Variants in FGF14 observed in about 807,000 individuals in gnomAD.
The protein encoded by FGF14 is fibroblast growth factor homologous factor 4.
Under a neutral mutation model 25.5 loss-of-function variants are expected in FGF14, and 5 were observed. The observed-to-expected ratio is 0.20, with a 90% CI of 0.10 to 0.41. The LOEUF is 0.41. Ranked by LOEUF, FGF14 falls within the 10% of genes least tolerant of loss-of-function variation. The pLI, the probability that FGF14 is intolerant of heterozygous loss-of-function variation, is 1.00. For missense variants in FGF14, 222 were observed against 320.1 expected (o/e 0.69, Z 2.34); for synonymous variants, 138 against 118.3 (o/e 1.17, Z -1.08).
chr13:102,190,143 C>T (rs961325598), intron 1 of FGF14, among the ~76,000 whole-genome samples: 1 of 152,100 alleles, frequency 6.6e-6, no homozygotes, highest in Non-Finnish European at 1.5e-5. Context: ...AAACAAAAAA[C>T]AGAAAAAAAG....
At chr13:102,067,755 T>TA (rs1471832761) in intron 1 of FGF14, among the ~76,000 whole-genome samples, 1 of 151,718 alleles carries the variant, frequency 6.6e-6, no homozygotes, top group East Asian at 1.9e-4. Flanking sequence ...AAAGGATAGT[T>TA]ACAGAGAACA....
chr13:102,387,014 C>T (rs1471511544), intron 1 of FGF14, among the ~76,000 whole-genome samples: 1 of 152,184 alleles, frequency 6.6e-6, no homozygotes, highest in Non-Finnish European at 1.5e-5. Flanking sequence ...AAAATGGACC[C>T]TTCCCCTTCT....
At position 102,105,611 on chromosome 13, in the gene FGF14, A is replaced by G. The variant is rs994959478; in HGVS notation, c.209-230315T>C. Among the ~76,000 whole-genome samples, 14 of 152,332 alleles carry G rather than the reference A, an allele frequency of 9.2e-5. No individual in the cohort carries two copies. The East Asian group carries it at 2.7e-3, about 29-fold the overall frequency. ...TAGATTTCTAAAAGCGTGAAATATT[A>G]CAATGTTAAATATAGCTAAGTGGGA... On this transcript the variant is annotated intron_variant, in intron 1 of 4. Coordinates refer to the FGF14 transcript ENST00000376131.
chr13:102,075,250 A>G (rs1042196911), intron 1 of FGF14, among the ~76,000 whole-genome samples: 8 of 152,238 alleles, frequency 5.3e-5, no homozygotes, highest in African/African-American at 1.7e-4. Flanking sequence ...ACATTCAAAA[A>G]TCAGTAGAAT....
At chr13:102,042,166 C>T (rs187860866) in intron 1 of FGF14, among the ~76,000 whole-genome samples, 12 of 152,248 alleles carry the variant, frequency 7.9e-5, no homozygotes, top group African/African-American at 2.6e-4. Context: ...ATAGGAACTC[C>T]TATGTGGCAT....
At chr13:102,112,832 AAT>A (rs1166848640) in intron 1 of FGF14, among the ~76,000 whole-genome samples, 2 of 152,190 alleles carry the variant, frequency 1.3e-5, no homozygotes, top group Non-Finnish European at 2.9e-5. Flanking sequence ...TACAGATGAG[AAT>A]ATAGTTTCAT....
rs148395846 is a variant in FGF14 at position 101,984,697 on chromosome 13, G to A, written c.209-109401C>T. ...CTAGGTAGGAGTAGCCTATTTAGGA[G>A]GCAGGTAGGATCTGCATTCCCCAAA... On this transcript the variant is annotated intron_variant, in intron 1 of 4. Transcript: ENST00000376131. 3.3e-3 allele frequency among the ~76,000 whole-genome samples: 500 copies of A among 152,166 alleles called. 8 individuals are homozygous for A. The highest frequency in any genetic ancestry group is 0.027 in the Admixed American group (409 of 15,276).
intron 3 of FGF14, among the ~76,000 whole-genome samples, chr13:101,820,427 A>C (rs923488102): frequency 2.6e-5 from 4 of 152,160 alleles, no homozygotes; most frequent in Admixed American, 2.0e-4. Flanking sequence ...AATCAGACTA[A>C]AATGAACATA....
upstream of FGF14, chr13:102,401,816 C>G (rs906646549): frequency 2.6e-6 from 2 of 764,542 alleles, no homozygotes; most frequent in Non-Finnish European, 4.4e-6. Flanking sequence ...CGGATTATTA[C>G]CAAAGGGTTG....
intron 1 of FGF14, among the ~76,000 whole-genome samples, chr13:102,146,334 A>G (rs1334311543): frequency 1.3e-5 from 2 of 152,200 alleles, no homozygotes; most frequent in Non-Finnish European, 2.9e-5. Context: ...ATGAGCAACA[A>G]AGTCACATTC....
intron 1 of FGF14, among the ~76,000 whole-genome samples, chr13:102,175,862 A>G (rs1005543486): frequency 2.0e-5 from 3 of 152,162 alleles, no homozygotes; most frequent in South Asian, 4.1e-4. Flanking sequence ...TAAAACCACA[A>G]TGAGATACCA....
At chr13:101,772,172 AAAG>A (rs1262938034) in intron 3 of FGF14, among the ~76,000 whole-genome samples, 2 of 152,076 alleles carry the variant, frequency 1.3e-5, no homozygotes, top group African/African-American at 2.4e-5. Context: ...CAATATTAAA[AAAG>A]AAGAACCCAC....
chr13:102,368,290 T>C (rs1307164519), intron 1 of FGF14, among the ~76,000 whole-genome samples: 2 of 152,128 alleles, frequency 1.3e-5, no homozygotes, highest in South Asian at 2.1e-4. Flanking sequence ...ATGATAGGGG[T>C]TTTAATATGT....
chr13:101,945,889 A>G (rs2035774155), intron 1 of FGF14, among the ~76,000 whole-genome samples: 3 of 152,122 alleles, frequency 2.0e-5, no homozygotes, highest in Admixed American at 2.0e-4. Context: ...CCTTTAATTG[A>G]CCTCAAGTCT....
intron 1 of FGF14, among the ~76,000 whole-genome samples, chr13:102,378,908 C>T (rs1371600186): frequency 1.3e-5 from 2 of 152,022 alleles, no homozygotes; most frequent in African/African-American, 2.4e-5. Context: ...CACAGGGTTA[C>T]ATAAAACTGG....
chr13:101,868,243 C>A (rs538742953), intron 3 of FGF14: 133 of 180,478 alleles, frequency 7.4e-4, no homozygotes, highest in Non-Finnish European at 1.2e-3. Flanking sequence ...TGCTCAGCTT[C>A]CAATAAATAT....
At position 101,858,770 on chromosome 13, in the gene FGF14, G is replaced by C. The variant is rs540041983; in HGVS notation, c.408+9955C>G. Among the ~76,000 whole-genome samples, 25 of 152,100 alleles carry C rather than the reference G, an allele frequency of 1.6e-4. No individual in the cohort carries two copies. The East Asian group carries it at 4.8e-3, about 29-fold the overall frequency. On this transcript the variant is annotated intron_variant, in intron 3 of 4. Transcript: ENST00000376143. ...CGCTGAAAGAAAATATAAAACCAAA[G>C]TATTTTGTGTCATTTTATGAACATG...
chr13:102,098,279 G>T (rs2044500302), intron 1 of FGF14, among the ~76,000 whole-genome samples: 1 of 152,156 alleles, frequency 6.6e-6, no homozygotes, highest in Non-Finnish European at 1.5e-5. Context: ...TCCATTTCTA[G>T]AAAGTCGTGT....
intron 3 of FGF14, among the ~76,000 whole-genome samples, chr13:101,868,154 A>G (rs1027864078): frequency 1.3e-5 from 2 of 152,186 alleles, no homozygotes; most frequent in Non-Finnish European, 2.9e-5. Flanking sequence ...ACTACATTAT[A>G]TGCATGAATA....
Sources: allele counts gnomAD v4.1 joint callset (sites outside exome capture counted in the v4.1 genomes callset), GRCh38; gene constraint gnomAD v4.1.1; transcripts MANE v1.5; gene names NCBI Gene and HGNC (gene_info 2026-07-23, HGNC 2026-07-21).